Variants in REL observed in about 807,000 individuals in gnomAD.
REL encodes the protein REL proto-oncogene, NF-kB subunit, also known as proto-oncogene c-Rel.
A neutral mutation model predicts 45.9 loss-of-function variants in REL; 15 were observed. The ratio of observed to expected loss-of-function variants is 0.33; its 90% CI spans 0.22 to 0.50. The LOEUF is 0.50. Ranked by LOEUF, REL falls within the 20% of genes least tolerant of loss-of-function variation. REL has a pLI of 0.98. For synonymous variants in REL, 239 were observed against 242.1 expected, an observed-to-expected ratio of 0.99 and a Z score of 0.12; for missense variants, 601 against 715.2, an observed-to-expected ratio of 0.84 and a Z score of 1.82.
At chr2:60,921,083 A>T (rs919913136) in intron 9 of REL, among the ~76,000 whole-genome samples, 1 of 152,056 alleles carries the variant, frequency 6.6e-6, no homozygotes, top group African/African-American at 2.4e-5. Flanking sequence ...AATATTTACA[A>T]TCTGACTTTT....
In REL at chr2:60,928,154, CAAAAAA is replaced by C; in HGVS notation, c.*5631_*5636del. ...GTAATATAAGGAAAACCTGTCTCTG[CAAAAAA>C]AAAAAAAAAAAGAGGATACAACCAA... On this transcript the variant is annotated 3_prime_UTR_variant, in exon 10 of 10. Coordinates refer to ENST00000394479, the MANE Select transcript of REL (RefSeq NM_001291746.2). 1 of 80,722 alleles carries C rather than the reference CAAAAAA, an allele frequency of 1.2e-5. No individual in the cohort carries two copies. 5.0% of individuals were successfully genotyped at this position (80,722 alleles called of 1,614,324 possible).
At chr2:60,917,813 AAAGG>A (rs928610551) in intron 5 of REL, among the ~76,000 whole-genome samples, 1 of 151,998 alleles carries the variant, frequency 6.6e-6, no homozygotes, top group African/African-American at 2.4e-5. Flanking sequence ...TTAGGGCTAT[AAAGG>A]AAGCATGAAA....
At chr2:60,885,040 ATAAT>A (rs1673037853) in intron 1 of REL, among the ~76,000 whole-genome samples, 3 of 152,190 alleles carry the variant, frequency 2.0e-5, no homozygotes, top group South Asian at 4.1e-4. Context: ...ATGGAGTTAA[ATAAT>A]TAAGGTGACG....
rs781675039 is a variant in REL, at chr2:60,920,093, A to G, written c.906A>G (p.Lys302=). Residue 302 remains lysine (K), a synonymous_variant, in exon 8 of 10, where the codon AAA becomes AAG. Transcript: ENST00000394479. Reference sequence around the variant, plus strand: ...AAAAGACAACTCTGCTTTTCCAGAAACTGTGCCAGGATCACGGTAAGAATA... The same window carrying G: ...AAAAGACAACTCTGCTTTTCCAGAAGCTGTGCCAGGATCACGGTAAGAATA... The part of the protein sequence containing the change: ...KKQKTTLLFQ[K]LCQDHVNFPE... 4.3e-6 allele frequency: 7 copies of G among 1,610,884 alleles called. No individual in the cohort carries two copies. The highest frequency in any genetic ancestry group is 5.9e-6 in the Non-Finnish European group (7 of 1,177,748).
intron 2 of REL, among the ~76,000 whole-genome samples, chr2:60,893,231 T>G (rs186583667): frequency 6.6e-6 from 1 of 152,338 alleles, no homozygotes; most frequent in East Asian, 1.9e-4. Flanking sequence ...ATTCACTGTT[T>G]TATAACTAGA....
chr2:60,896,458 TTTAAC>T (rs1319603126), intron 3 of REL, among the ~76,000 whole-genome samples: 5 of 152,208 alleles, frequency 3.3e-5, no homozygotes, highest in African/African-American at 7.2e-5. Flanking sequence ...ATGTTTTTCT[TTTAAC>T]TTATATTTTA....
chr2:60,924,607 T>C lies in REL; in HGVS notation c.*2072T>C. 1 of 214,510 alleles carries C rather than the reference T, an allele frequency of 4.7e-6. No homozygotes were observed. Among genetic ancestry groups the C allele is most frequent in the Non-Finnish European group, 9.4e-6 (1 of 106,222 alleles). The allele number at this position is 214,510 out of a possible 1,614,324, so 13.3% of individuals were successfully genotyped here. A position where few individuals can be genotyped will look rare whatever the true frequency, so the allele number is the denominator to read the frequency against. ...AGAATTTGGGTAATCTTTTTTTTCCTTTTATGAAAAGAGATTTTATTGAAG... is the reference window on the plus strand; with the variant it reads ...AGAATTTGGGTAATCTTTTTTTTCCCTTTATGAAAAGAGATTTTATTGAAG... On this transcript the variant is annotated 3_prime_UTR_variant, in exon 10 of 10. Transcript: ENST00000394479.
At chr2:60,883,426 T>G (rs558808480) in intron 1 of REL, among the ~76,000 whole-genome samples, 1 of 152,354 alleles carries the variant, frequency 6.6e-6, no homozygotes, top group South Asian at 2.1e-4. Flanking sequence ...CCCACTTAAG[T>G]GACACCAGAC....
chr2:60,926,591 CG>C lies in REL; in HGVS notation c.*4057del, dbSNP rs1674273904. ...TCAGTTGGTGCTATTTCCCCCTACC[CG>C]CCCTCCGATGATCTTATCAGAGCCC... On this transcript the variant is annotated 3_prime_UTR_variant, in exon 10 of 10. Coordinates refer to ENST00000394479, the MANE Select transcript of REL (RefSeq NM_001291746.2). 4.3e-6 allele frequency: 1 copy of C among 231,108 alleles called. No homozygotes were observed. The highest frequency in any genetic ancestry group is 2.2e-5 in the African/African-American group (1 of 45,166). The allele number at this position is 231,108 out of a possible 1,614,324, so 14.3% of individuals were successfully genotyped here.
chr2:60,918,893 C>A (rs1481955718), intron 7 of REL, among the ~76,000 whole-genome samples: 1 of 152,058 alleles, frequency 6.6e-6, no homozygotes, highest in Non-Finnish European at 1.5e-5. Context: ...CGGGTTCAAG[C>A]GATTCTTCTG....
chr2:60,909,045 T>A (rs1271345955), intron 4 of REL, among the ~76,000 whole-genome samples: 1 of 152,226 alleles, frequency 6.6e-6, no homozygotes, highest in East Asian at 1.9e-4. Context: ...AGCCTTTTTT[T>A]CATTACCCTA....
Position 60,881,753 on chromosome 2 carries a change from G to T in REL, c.-88G>T. On this transcript the variant is annotated 5_prime_UTR_variant, in exon 1 of 10. It adds an upstream start codon to the 5' untranslated region. Coordinates refer to ENST00000394479, the MANE Select transcript of REL (RefSeq NM_001291746.2). ...GGGGACTGGGGGCCCCGCCGGCAGA[G>T]GTCCCTCGGCCTCCTGACTGACTGA... The T allele has an allele frequency of 8.1e-7, 1 of 1,240,970 alleles. No homozygotes were observed. Among genetic ancestry groups the T allele is most frequent in the Non-Finnish European group, 1.1e-6 (1 of 887,376 alleles). 76.9% of individuals were successfully genotyped at this position (1,240,970 alleles called of 1,614,324 possible).
chr2:60,889,483 C>CT (rs1156946658), intron 1 of REL, among the ~76,000 whole-genome samples: 3 of 151,980 alleles, frequency 2.0e-5, no homozygotes, highest in African/African-American at 4.8e-5. Context: ...TTTTTTTACA[C>CT]TTTAAGTTTT....
At chr2:60,897,380 T>C (rs1371483616) in intron 3 of REL, among the ~76,000 whole-genome samples, 1 of 151,360 alleles carries the variant, frequency 6.6e-6, no homozygotes, top group East Asian at 1.9e-4. Flanking sequence ...CGATCTCACC[T>C]CACTGCAACC....
chr2:60,895,060 T>C (rs1243506613), intron 3 of REL, among the ~76,000 whole-genome samples: 1 of 151,728 alleles, frequency 6.6e-6, no homozygotes, highest in Non-Finnish European at 1.5e-5. Flanking sequence ...GGTTTCTCCA[T>C]GTTGGTCAGG....
chr2:60,920,420 T>C (rs1294226890), intron 8 of REL, 154 bp from the exon 9 acceptor site: 3 of 686,352 alleles, frequency 4.4e-6, no homozygotes, highest in East Asian at 5.5e-5. Flanking sequence ...AGGATGGTCT[T>C]GAACTCCTGA....
rs528501216 is a variant in REL at position 60,925,159 on chromosome 2, T to C, written c.*2624T>C. ...GCTAAGTAATTAACTTTACCTAGTTTGTTTTACAACTAGAACCTGCCCTAA... is the reference window on the plus strand; with the variant it reads ...GCTAAGTAATTAACTTTACCTAGTTCGTTTTACAACTAGAACCTGCCCTAA... On this transcript the variant is annotated 3_prime_UTR_variant, in exon 10 of 10. Coordinates refer to ENST00000394479, the MANE Select transcript of REL (RefSeq NM_001291746.2). The C allele has an allele frequency of 5.7e-4, 114 of 200,520 alleles. No individual in the cohort carries two copies. In the South Asian group the frequency reaches 5.9e-3, roughly 10 times the overall value. The allele number at this position is 200,520 out of a possible 1,614,324, so 12.4% of individuals were successfully genotyped here.
chr2:60,917,058 T>C, intron 5 of REL, 41 bp downstream of exon 5: 1 of 1,528,548 alleles, frequency 6.5e-7, no homozygotes, highest in Non-Finnish European at 8.9e-7. Flanking sequence ...CTTAACTTGT[T>C]TTTTGTAATA....
In REL at chr2:60,918,529, T is replaced by C. The variant is rs1160674407; in HGVS notation, c.776T>C (p.Val259Ala). The C allele has an allele frequency of 6.2e-7, 1 of 1,613,968 alleles. No homozygotes were observed. Among genetic ancestry groups the C allele is most frequent in the Non-Finnish European group, 8.5e-7 (1 of 1,179,974 alleles). Residue 259 changes from valine to alanine, a missense_variant, in exon 7 of 10, where the codon GTA (valine) becomes GCA (alanine). Val to Ala is a moderately conservative substitution (Grantham distance 64). This residue lies in a region of REL where 241 missense variants were observed against 347.0 expected (regional missense o/e 0.69). Coordinates refer to ENST00000394479, the MANE Select transcript of REL (RefSeq NM_001291746.2). ...AAAGCTATCACAGAACCCGTAACAG[T>C]AAAAATGCAGTTGCGGAGACCTTCT... ...YCKAITEPVT[V>A]KMQLRRPSDQ...
Sources: gnomAD v4.1 joint callset for allele counts (sites outside exome capture counted in the v4.1 genomes callset) on GRCh38, gnomAD v4.1.1 for gene constraint, gnomAD v4.1.1 regional missense constraint, MANE v1.5 for transcripts, NCBI Gene and HGNC (gene_info 2026-07-23, HGNC 2026-07-21) for gene names.